Variants in ZMYM4 observed in about 807,000 individuals in gnomAD.
ZMYM4 encodes the protein zinc finger MYM-type containing 4.
ZMYM4 carries 31 observed loss-of-function variants against 183.2 expected under a neutral mutation model. That is an observed-to-expected ratio of 0.17 (90% CI 0.13 to 0.23). The LOEUF is 0.23. Among genes scored for constraint, ZMYM4 ranks in the 10% least tolerant of loss-of-function variants. The pLI is 1.00. For missense variants in ZMYM4, 1,273 were observed against 1,840.3 expected, an observed-to-expected ratio of 0.69 and a Z score of 5.64; for synonymous variants, 592 against 631.2, an observed-to-expected ratio of 0.94 and a Z score of 0.93.
intron 23 of ZMYM4, among the ~76,000 whole-genome samples, chr1:35,401,655 CT>C (rs981696165): frequency 4.6e-4 from 70 of 152,138 alleles, no homozygotes; most frequent in African/African-American, 1.6e-3. Flanking sequence ...ATGGATTGTG[CT>C]TTTTAATACC....
intron 7 of ZMYM4, among the ~76,000 whole-genome samples, chr1:35,371,573 C>A (rs1471438382): frequency 6.6e-6 from 1 of 152,028 alleles, no homozygotes; most frequent in Non-Finnish European, 1.5e-5. Flanking sequence ...TTGTTAGAAA[C>A]AGTTTAAGTC....
chr1:35,407,957 T>C (rs1558189225), intron 25 of ZMYM4, 51 bp from the exon 26 acceptor site: 1 of 1,609,838 alleles, frequency 6.2e-7, no homozygotes. Context: ...TAATCAATGC[T>C]ACTATGTTTG....
chr1:35,326,857 A>AT (rs1393425188), intron 2 of ZMYM4, among the ~76,000 whole-genome samples: 1 of 151,988 alleles, frequency 6.6e-6, no homozygotes, highest in Admixed American at 6.6e-5. Flanking sequence ...GCTTGGAGTC[A>AT]TTTTTTTTCT....
At chr1:35,360,766 TAGAAGAG>T (rs1276839925) in intron 3 of ZMYM4, among the ~76,000 whole-genome samples, 1 of 151,992 alleles carries the variant, frequency 6.6e-6, no homozygotes, top group Non-Finnish European at 1.5e-5. Context: ...TAGGGATTCT[TAGAAGAG>T]AGATGATTTT....
intron 22 of ZMYM4, 94 bp from the exon 23 acceptor site, chr1:35,399,388 G>T (rs1644863120): frequency 1.8e-6 from 2 of 1,136,848 alleles, no homozygotes; most frequent in East Asian, 5.0e-5. Flanking sequence ...AATGAATATA[G>T]TGATGATTAC....
At chr1:35,396,726 A>C (rs934081560) in intron 19 of ZMYM4, 56 bp downstream of exon 19, 2 of 1,585,416 alleles carry the variant, frequency 1.3e-6, no homozygotes. Context: ...CTCAATTAAA[A>C]CTGTATAGTT....
At chr1:35,323,069 G>A (rs1038586732) in intron 1 of ZMYM4, among the ~76,000 whole-genome samples, 3 of 149,966 alleles carry the variant, frequency 2.0e-5, no homozygotes, top group Non-Finnish European at 4.5e-5. Context: ...GCACAATCTC[G>A]GCTCACTGCA....
rs189998573 is a variant in ZMYM4, at chr1:35,343,733, C to T, written c.86-15192C>T. On this transcript the variant is annotated intron_variant, in intron 2 of 29. Coordinates refer to ENST00000314607, the MANE Select transcript of ZMYM4 (RefSeq NM_005095.3). Reference sequence around the variant, plus strand: ...TACAAAAATTAGCTTTGCGCAGTGACGGGCACCTGTAATCCCAGCTACTCG... The same window carrying T: ...TACAAAAATTAGCTTTGCGCAGTGATGGGCACCTGTAATCCCAGCTACTCG... Among the ~76,000 whole-genome samples the T allele has an allele frequency of 1.5e-3, 225 of 152,022 alleles. 1 individual carries two copies. In the Middle Eastern group the frequency reaches 0.024, roughly 16 times the overall value.
intron 13 of ZMYM4, 104 bp downstream of exon 13, chr1:35,387,708 A>C (rs982593119): frequency 5.6e-6 from 7 of 1,255,024 alleles, no homozygotes; most frequent in Admixed American, 5.2e-5. Context: ...TTTATTGTTT[A>C]TGTATAACGT....
chr1:35,336,111 C>CT (rs1642965702), intron 2 of ZMYM4, among the ~76,000 whole-genome samples: 2 of 152,196 alleles, frequency 1.3e-5, no homozygotes, highest in South Asian at 4.1e-4. Flanking sequence ...TCTTCATCCC[C>CT]TGGCAACCTT....
At chr1:35,416,774 A>G (rs899326589) in intron 28 of ZMYM4, among the ~76,000 whole-genome samples, 3 of 151,974 alleles carry the variant, frequency 2.0e-5, no homozygotes, top group African/African-American at 7.3e-5. Flanking sequence ...ATATTGGGCA[A>G]GCTGGTCTCG....
At chr1:35,282,979 G>GTT (rs1452098602) in intron 1 of ZMYM4, among the ~76,000 whole-genome samples, 1 of 43,272 alleles carries the variant, frequency 2.3e-5, no homozygotes, top group Non-Finnish European at 6.2e-5. Flanking sequence ...CTGTGTGTGT[G>GTT]GTTTTTTTTT....
In ZMYM4 at chr1:35,397,364, C is replaced by T. The variant is rs1250918607; in HGVS notation, c.3031-13C>T. The T allele has an allele frequency of 1.3e-6, 2 of 1,569,856 alleles. No homozygotes were observed. The highest frequency in any genetic ancestry group is 1.8e-5 in the Admixed American group (1 of 54,488). The stretch of plus-strand genomic sequence containing the variant: ...TGCCAAAGAAAGCCTTCAGTCTATC[C>T]TTGGTCTTTCAGATGCCTGTCCCTA... On this transcript the variant is annotated splice_polypyrimidine_tract_variant and intron_variant, in intron 19 of 29. Transcript: ENST00000314607.
chr1:35,417,448 C>G (rs1295610010), intron 28 of ZMYM4, among the ~76,000 whole-genome samples: 1 of 152,126 alleles, frequency 6.6e-6, no homozygotes, highest in Admixed American at 6.5e-5. Flanking sequence ...GATAATTTCT[C>G]TTCCCAACAA....
At chr1:35,371,405 C>T (rs545848840) in intron 7 of ZMYM4, among the ~76,000 whole-genome samples, 20 of 152,112 alleles carry the variant, frequency 1.3e-4, no homozygotes, top group African/African-American at 4.1e-4. Context: ...TGTGAGCTAC[C>T]GCGCTTGGCC....
chr1:35,403,400 C>G (rs1644947000), intron 23 of ZMYM4, among the ~76,000 whole-genome samples: 1 of 152,192 alleles, frequency 6.6e-6, no homozygotes. Flanking sequence ...GTTCTCCTGC[C>G]TCAGCCTTCC....
At chr1:35,414,584 T>C (rs561677799) in intron 27 of ZMYM4, among the ~76,000 whole-genome samples, 1 of 152,354 alleles carries the variant, frequency 6.6e-6, no homozygotes, top group East Asian at 1.9e-4. Context: ...AGAGCACCTT[T>C]AACAGTAAGC....
chr1:35,300,546 G>A (rs942623963), intron 1 of ZMYM4, among the ~76,000 whole-genome samples: 6 of 152,046 alleles, frequency 3.9e-5, no homozygotes, highest in Admixed American at 2.6e-4. Flanking sequence ...CCAGTTATAT[G>A]TATATTATAT....
chr1:35,379,563 T>TCTTCA (rs1421304878), intron 7 of ZMYM4, among the ~76,000 whole-genome samples: 1 of 152,256 alleles, frequency 6.6e-6, no homozygotes, highest in Non-Finnish European at 1.5e-5. Flanking sequence ...ATCATTCCTG[T>TCTTCA]CTTCACTGGA....
Sources: gnomAD v4.1 joint callset for allele counts (sites outside exome capture counted in the v4.1 genomes callset) on GRCh38, gnomAD v4.1.1 for gene constraint, MANE v1.5 for transcripts, NCBI Gene and HGNC (gene_info 2026-07-23, HGNC 2026-07-21) for gene names.